The following ADGRB1 variants were observed in gnomAD, a reference collection of about 807,000 sequenced individuals.
The protein encoded by ADGRB1 is brain-specific angiogenesis inhibitor 1.
In ADGRB1, 36 loss-of-function variants were observed where a neutral mutation model predicts 175.7. That is an observed-to-expected ratio of 0.20 (90% CI 0.16 to 0.27). The LOEUF (loss-of-function observed/expected upper bound fraction) is 0.27, where lower values mean the gene tolerates loss of function less well. Ranked by LOEUF, ADGRB1 falls within the 10% of genes least tolerant of loss-of-function variation. The probability of loss-of-function intolerance (pLI) is 1.00; values close to 1 mark genes in which losing one functional copy is unlikely to be tolerated. For synonymous variants in ADGRB1, 1,054 were observed against 979.4 expected (o/e 1.08, Z -1.42); for missense variants, 1,731 against 2,255.3 (o/e 0.77, Z 4.71).
intron 2 of ADGRB1, 25 bp downstream of exon 2, chr8:142,465,007 C>G (rs920819307): frequency 1.6e-6 from 2 of 1,264,952 alleles, no homozygotes. Context: ...GGGAAACCTT[C>G]GGACAGGGGA....
intron 17 of ADGRB1, among the ~76,000 whole-genome samples, chr8:142,498,733 C>T (rs1034780463): frequency 3.9e-5 from 6 of 152,272 alleles, no homozygotes; most frequent in South Asian, 4.1e-4. Flanking sequence ...TACCACTCCC[C>T]GCACACCTCC....
chr8:142,539,543 C>A, intron 27 of ADGRB1, 130 bp downstream of exon 27: 1 of 1,175,498 alleles, frequency 8.5e-7, no homozygotes, highest in Non-Finnish European at 1.2e-6. Flanking sequence ...CACACCCAGC[C>A]ACACCGTCAG....
rs764438039 is a variant in ADGRB1 at position 142,484,641 on chromosome 8, C to T, written c.2200-15C>T. The T allele has an allele frequency of 6.9e-6, 11 of 1,601,782 alleles. 1 individual carries two copies. The South Asian group carries it at 9.0e-5, about 13-fold the overall frequency. ...GGGGCCTCCTCCCTCGGCTGCTCAC[C>T]CCCCTGCCCTCCAGGCGGGCCCCAA... On this transcript the variant is annotated splice_polypyrimidine_tract_variant and intron_variant, in intron 12 of 30. Transcript: ENST00000517894.
At chr8:142,514,166 G>T (rs571300916) in intron 18 of ADGRB1, among the ~76,000 whole-genome samples, 84 of 152,222 alleles carry the variant, frequency 5.5e-4, no homozygotes, top group Non-Finnish European at 5.9e-5. Context: ...AGAGGCTGTG[G>T]CTTCGGGGGT....
At position 142,522,684 on chromosome 8, in the gene ADGRB1, G is replaced by A; in HGVS notation, c.3219G>A (p.Lys1073=). The stretch of plus-strand genomic sequence containing the variant: ...TGGCCATTTCTGTGGGATTCACCAA[G>A]GCCAAAGGGTACAGCACCATGAACT... ...LVVAISVGFT[K]AKGYSTMNYC... The change falls in exon 22 of 31, where the codon AAG becomes AAA. Residue 1073 remains lysine, a synonymous_variant. Transcript: ENST00000517894. 6.4e-7 allele frequency: 1 copy of A among 1,561,260 alleles called. No homozygotes were observed. Among genetic ancestry groups the A allele is most frequent in the Non-Finnish European group, 8.7e-7 (1 of 1,154,908 alleles).
At chr8:142,450,484 C>T (rs563389218) in intron 1 of ADGRB1, among the ~76,000 whole-genome samples, 3 of 152,296 alleles carry the variant, frequency 2.0e-5, no homozygotes, top group South Asian at 4.1e-4. Context: ...CGCTGTACCC[C>T]CAGCACACAC....
rs748268836 is a variant in ADGRB1, at chr8:142,464,567, G to T, written c.369G>T (p.Val123=). 5.2e-5 allele frequency: 81 copies of T among 1,544,578 alleles called. No individual in the cohort carries two copies. Among genetic ancestry groups the T allele is most frequent in the Non-Finnish European group, 6.7e-5 (77 of 1,147,766 alleles). The change falls in exon 2 of 31, where the codon GTG becomes GTT. Residue 123 remains valine (V), a synonymous_variant. Coordinates refer to ENST00000517894, the MANE Select transcript of ADGRB1 (RefSeq NM_001702.3). ...TGGGCGTGGAGAGCTTCGACGAGGTGCTGCGGCTCTGCGACCCCTCCGCAC... is the reference window on the plus strand; with the variant it reads ...TGGGCGTGGAGAGCTTCGACGAGGTTCTGCGGCTCTGCGACCCCTCCGCAC... ...TYLGVESFDE[V]LRLCDPSAPL...
At chr8:142,509,083 T>TC (rs144006859) in intron 17 of ADGRB1, among the ~76,000 whole-genome samples, 3,253 of 152,272 alleles carry the variant, frequency 0.021, 79 homozygotes, top group African/African-American at 0.054. Context: ...CTCACGGGTC[T>TC]CCCCCGCCAG....
At chr8:142,496,989 G>GA (rs1168181792) in intron 17 of ADGRB1, among the ~76,000 whole-genome samples, 1 of 152,234 alleles carries the variant, frequency 6.6e-6, no homozygotes, top group African/African-American at 2.4e-5. Context: ...GGCGTGTGTG[G>GA]AAGGAGGACG....
At chr8:142,522,158 C>T in intron 21 of ADGRB1, 43 bp downstream of exon 21, 1 of 1,588,674 alleles carries the variant, frequency 6.3e-7, no homozygotes, top group Non-Finnish European at 8.5e-7. Flanking sequence ...GATACCCTTC[C>T]TCCCCCACTG....
At position 142,474,487 on chromosome 8, in the gene ADGRB1, GC is replaced by G. The variant is rs1327505082; in HGVS notation, c.785-985del. Among the ~76,000 whole-genome samples the G allele has an allele frequency of 6.6e-6, 1 of 152,148 alleles. No homozygotes were observed. The highest frequency in any genetic ancestry group is 6.5e-5 in the Admixed American group (1 of 15,284). On this transcript the variant is annotated intron_variant, in intron 2 of 30. Transcript: ENST00000517894. The surrounding 1 kb of genome is among the most constrained non-coding windows in gnomAD (Gnocchi z 5.8). ...GCTGGGCAGGAGGCCCGAGCGGGAGGCCTGGACGCGGCAGCCCCTTCCCGGC... is the reference window on the plus strand; with the variant it reads ...GCTGGGCAGGAGGCCCGAGCGGGAGGCTGGACGCGGCAGCCCCTTCCCGGC...
intron 17 of ADGRB1, among the ~76,000 whole-genome samples, chr8:142,491,571 C>T (rs550207498): frequency 2.0e-5 from 3 of 152,302 alleles, no homozygotes; most frequent in Non-Finnish European, 2.9e-5. Flanking sequence ...ATGGATAGAG[C>T]GATGGCGGCC....
At chr8:142,539,688 TGCC>T in intron 27 of ADGRB1, 11 of 563,442 alleles carry the variant, frequency 2.0e-5, no homozygotes, top group Admixed American at 3.2e-5. Flanking sequence ...GCTGAGCAGG[TGCC>T]TGTGGAGCGC....
chr8:142,471,902 T>A (rs1039978632), intron 2 of ADGRB1, among the ~76,000 whole-genome samples: 2 of 152,216 alleles, frequency 1.3e-5, no homozygotes, highest in Non-Finnish European at 2.9e-5. Context: ...GGCCCTGGTC[T>A]AGGTCTCAGA....
At chr8:142,506,530 T>C (rs1842861414) in intron 17 of ADGRB1, among the ~76,000 whole-genome samples, 2 of 152,144 alleles carry the variant, frequency 1.3e-5, no homozygotes, top group Admixed American at 1.3e-4. Context: ...ATATTCCAAG[T>C]TTCTGTAGCT....
intron 16 of ADGRB1, 33 bp downstream of exon 16, chr8:142,489,471 A>G (rs1382198518): frequency 6.3e-7 from 1 of 1,599,812 alleles, no homozygotes; most frequent in Non-Finnish European, 8.6e-7. Flanking sequence ...CTCTGATGCC[A>G]GCAGAAACGC....
intron 1 of ADGRB1, among the ~76,000 whole-genome samples, chr8:142,452,376 GC>G (rs1270904644): frequency 4.6e-5 from 7 of 152,198 alleles, no homozygotes; most frequent in Admixed American, 3.3e-4. Context: ...GGGGTCCCGC[GC>G]AGGGGCGGAT....
At chr8:142,501,017 C>T (rs746433001) in intron 17 of ADGRB1, among the ~76,000 whole-genome samples, 11 of 152,074 alleles carry the variant, frequency 7.2e-5, no homozygotes, top group Non-Finnish European at 1.5e-4. Flanking sequence ...ATGGTGAGCA[C>T]GGGATAAACA....
intron 12 of ADGRB1, among the ~76,000 whole-genome samples, 171 bp downstream of exon 12, chr8:142,484,216 G>T (rs1841538800): frequency 6.6e-6 from 1 of 152,254 alleles, no homozygotes. Context: ...AGCATTCCTA[G>T]CCTGTTTCCT....
Sources: allele counts gnomAD v4.1 joint callset (sites outside exome capture counted in the v4.1 genomes callset), GRCh38; gene constraint gnomAD v4.1.1; non-coding constraint Gnocchi (gnomAD v3.1); transcripts MANE v1.5; gene names NCBI Gene and HGNC (gene_info 2026-07-23, HGNC 2026-07-21).